Variants in FARS2 observed in about 807,000 individuals in gnomAD.
FARS2 encodes phenylalanyl-tRNA synthetase 2, mitochondrial.
Under a neutral mutation model 46.4 loss-of-function variants are expected in FARS2, and 40 were observed. The observed-to-expected ratio is 0.86, with a 90% CI of 0.67 to 1.12. The LOEUF is 1.12. Among genes scored for constraint, FARS2 ranks in the 50% most tolerant of loss-of-function variants. The pLI is 0.00. For synonymous variants in FARS2, 234 were observed against 214.9 expected (o/e 1.09, Z -0.78); for missense variants, 513 against 567.9 (o/e 0.90, Z 0.98).
chr6:5,359,232 G>A (rs971228162), intron 1 of FARS2, among the ~76,000 whole-genome samples: 1 of 151,682 alleles, frequency 6.6e-6, no homozygotes, highest in Non-Finnish European at 1.5e-5. Flanking sequence ...TACCGGCGGG[G>A]TTTCGCCATG....
At chr6:5,285,469 A>G (rs1767042037) in intron 1 of FARS2, among the ~76,000 whole-genome samples, 1 of 152,218 alleles carries the variant, frequency 6.6e-6, no homozygotes, top group Admixed American at 6.5e-5. Context: ...CTTTGTGAGC[A>G]AAATGCTGTT....
intron 1 of FARS2, among the ~76,000 whole-genome samples, chr6:5,267,159 T>TA (rs34285103): frequency 0.14 from 20,410 of 147,144 alleles, 2,184 homozygotes; most frequent in African/African-American, 0.3. Context: ...TTTTTTTTCT[T>TA]AAAAAAAAAA....
At chr6:5,500,939 A>T (rs1407420435) in intron 4 of FARS2, among the ~76,000 whole-genome samples, 4 of 31,442 alleles carry the variant, frequency 1.3e-4, no homozygotes, top group Non-Finnish European at 3.0e-4. Context: ...TCCCCGAGAG[A>T]GAGAGAGAGA....
chr6:5,760,924 T>C (rs1762447139), intron 6 of FARS2, among the ~76,000 whole-genome samples: 1 of 152,258 alleles, frequency 6.6e-6, no homozygotes, highest in Non-Finnish European at 1.5e-5. Context: ...ACGGTGATTG[T>C]ACACAGCCTG....
chr6:5,490,056 T>C (rs1474543809), intron 4 of FARS2, among the ~76,000 whole-genome samples: 5 of 152,196 alleles, frequency 3.3e-5, no homozygotes, highest in Non-Finnish European at 7.3e-5. Context: ...TCGGTTGACC[T>C]TTCTCTTCAT....
At chr6:5,699,776 C>T (rs1472097779) in intron 6 of FARS2, among the ~76,000 whole-genome samples, 1 of 152,178 alleles carries the variant, frequency 6.6e-6, no homozygotes, top group Non-Finnish European at 1.5e-5. Context: ...AGTACTGGGT[C>T]TCAAATTTGG....
At position 5,446,016 on chromosome 6, in the gene FARS2, G is replaced by A. The variant is rs142150980; in HGVS notation, c.904+14844G>A. ...AGATCAAGACCATCCTGGCTAACAT[G>A]GTGAAACCCCGTCTCTACTAAAAGA... On this transcript the variant is annotated intron_variant, in intron 4 of 6. Transcript: ENST00000274680. Among the ~76,000 whole-genome samples the A allele has an allele frequency of 6.4e-3, 968 of 152,196 alleles. 16 individuals carry two copies. The highest frequency in any genetic ancestry group is 0.021 in the African/African-American group (890 of 41,516).
At chr6:5,716,509 C>A (rs1466832298) in intron 6 of FARS2, among the ~76,000 whole-genome samples, 1 of 152,182 alleles carries the variant, frequency 6.6e-6, no homozygotes, top group African/African-American at 2.4e-5. Flanking sequence ...AGGGATTTCT[C>A]CCCGCCAACA....
intron 1 of FARS2, among the ~76,000 whole-genome samples, chr6:5,274,091 G>A (rs1248327443): frequency 3.3e-5 from 5 of 152,236 alleles, no homozygotes; most frequent in Admixed American, 2.6e-4. Flanking sequence ...GGTTTCGTAC[G>A]CTCCACAGTT....
At chr6:5,259,843 A>G (rs375342471), upstream of FARS2, among the ~76,000 whole-genome samples, 42 of 152,368 alleles carry the variant, frequency 2.8e-4, no homozygotes, top group South Asian at 7.9e-3. Context: ...AAATGCAGAG[A>G]GAGAATCCAT....
At chr6:5,380,614 C>T (rs556750336) in intron 2 of FARS2, among the ~76,000 whole-genome samples, 27 of 152,218 alleles carry the variant, frequency 1.8e-4, no homozygotes, top group South Asian at 2.1e-4. Flanking sequence ...GGCTAGCAGC[C>T]GGTGCCACTC....
chr6:5,479,975 T>G (rs563460888), intron 4 of FARS2, among the ~76,000 whole-genome samples: 2 of 152,250 alleles, frequency 1.3e-5, no homozygotes, highest in African/African-American at 4.8e-5. Context: ...CCTTCTGTCA[T>G]GTCTGTGTCT....
At chr6:5,439,524 G>GT (rs1197532902) in intron 4 of FARS2, among the ~76,000 whole-genome samples, 6 of 152,104 alleles carry the variant, frequency 3.9e-5, no homozygotes, top group East Asian at 3.8e-4. Context: ...TAATTTTTCT[G>GT]TTTTTTTACT....
intron 4 of FARS2, among the ~76,000 whole-genome samples, chr6:5,462,857 G>A (rs2150304119): frequency 6.6e-6 from 1 of 152,288 alleles, no homozygotes; most frequent in African/African-American, 2.4e-5. Context: ...ATTTTGATAG[G>A]AATTTCATCG....
intron 1 of FARS2, among the ~76,000 whole-genome samples, chr6:5,362,927 C>CTT (rs55686418): frequency 0.2 from 25,135 of 124,036 alleles, 3,313 homozygotes; most frequent in East Asian, 0.48. Flanking sequence ...TTCTTTCTTT[C>CTT]TTTTTTTTTT....
intron 5 of FARS2, among the ~76,000 whole-genome samples, chr6:5,602,670 A>AG (rs1554114902): frequency 7.3e-6 from 1 of 137,756 alleles, no homozygotes; most frequent in Non-Finnish European, 1.5e-5. Flanking sequence ...AAAAAAAAAA[A>AG]GGGAACCTCC....
At chr6:5,717,492 A>G (rs779280762) in intron 6 of FARS2, among the ~76,000 whole-genome samples, 23 of 151,812 alleles carry the variant, frequency 1.5e-4, no homozygotes, top group Non-Finnish European at 2.4e-4. Context: ...GAATTTTGCC[A>G]GTTGTATCCC....
intron 4 of FARS2, among the ~76,000 whole-genome samples, chr6:5,483,156 C>G (rs764829414): frequency 3.2e-4 from 48 of 152,186 alleles, no homozygotes; most frequent in Non-Finnish European, 2.2e-4. Context: ...TTCAAGCTGA[C>G]AATTTCTAAA....
At chr6:5,693,685 G>T (rs1347553190) in intron 6 of FARS2, among the ~76,000 whole-genome samples, 16 of 152,320 alleles carry the variant, frequency 1.1e-4, no homozygotes, top group African/African-American at 2.9e-4. Flanking sequence ...TGTCTGGGAA[G>T]ACTCGAAGAC....
Sources: gnomAD v4.1 joint callset for allele counts (sites outside exome capture counted in the v4.1 genomes callset) on GRCh38, gnomAD v4.1.1 for gene constraint, MANE v1.5 for transcripts, NCBI Gene and HGNC (gene_info 2026-07-23, HGNC 2026-07-21) for gene names.